Variants in GSG1L observed in about 807,000 individuals in gnomAD.
GSG1L encodes the protein GSG1 like.
In GSG1L, 24 loss-of-function variants were observed where a neutral mutation model predicts 42.1. The ratio of observed to expected loss-of-function variants is 0.57; its 90% CI spans 0.41 to 0.80. The LOEUF is 0.80. GSG1L is among the 30% of genes least tolerant of loss of function. The pLI, the probability that GSG1L is intolerant of heterozygous loss-of-function variation, is 0.00. For synonymous variants in GSG1L, 215 were observed against 203.5 expected (o/e 1.06, Z -0.48); for missense variants, 445 against 472.2 (o/e 0.94, Z 0.53).
At chr16:27,916,967 T>C (rs2084464918) in intron 2 of GSG1L, among the ~76,000 whole-genome samples, 1 of 151,934 alleles carries the variant, frequency 6.6e-6, no homozygotes, top group South Asian at 2.1e-4. Context: ...TTGAGCTAAA[T>C]CCTGGTAGGA....
intron 2 of GSG1L, among the ~76,000 whole-genome samples, chr16:27,933,648 CA>C (rs55936452): frequency 0.029 from 2,763 of 94,600 alleles, 60 homozygotes; most frequent in African/African-American, 0.1. Flanking sequence ...GACTTTGTCA[CA>C]AAAAAAAAAA....
chr16:27,850,384 T>C (rs1395093594), intron 3 of GSG1L: 9 of 392,154 alleles, frequency 2.3e-5, no homozygotes, highest in South Asian at 1.5e-4. Flanking sequence ...AAGGGCCAGT[T>C]CTGCGATTCA....
intron 6 of GSG1L, among the ~76,000 whole-genome samples, chr16:27,803,693 C>T (rs2082910157): frequency 6.6e-6 from 1 of 151,012 alleles, no homozygotes; most frequent in Admixed American, 6.6e-5. Flanking sequence ...ACATTTTGTG[C>T]ATATTGTAGA....
At chr16:27,816,677 A>G (rs770802587) in intron 5 of GSG1L, among the ~76,000 whole-genome samples, 42 of 152,268 alleles carry the variant, frequency 2.8e-4, no homozygotes, top group Admixed American at 5.9e-4. Flanking sequence ...CTATGACATC[A>G]CTGAATGTGG....
intron 2 of GSG1L, among the ~76,000 whole-genome samples, chr16:27,932,207 C>T (rs2084664891): frequency 6.6e-6 from 1 of 152,142 alleles, no homozygotes. Context: ...CATGCACCAC[C>T]ACACCTGGCT....
intron 2 of GSG1L, among the ~76,000 whole-genome samples, chr16:27,894,357 A>G (rs2084165048): frequency 6.6e-6 from 1 of 152,250 alleles, no homozygotes; most frequent in Non-Finnish European, 1.5e-5. Flanking sequence ...GGAAACCGGA[A>G]CAAGTGCATT....
chr16:28,008,970 G>A (rs2141153529), intron 1 of GSG1L, among the ~76,000 whole-genome samples: 1 of 152,126 alleles, frequency 6.6e-6, no homozygotes, highest in Non-Finnish European at 1.5e-5. Context: ...CACCACGCCT[G>A]GCTAATTTTT....
At chr16:27,870,304 T>C (rs985643806) in intron 3 of GSG1L, among the ~76,000 whole-genome samples, 13 of 145,976 alleles carry the variant, frequency 8.9e-5, no homozygotes, top group Admixed American at 6.7e-5. Flanking sequence ...TCCATCTCTC[T>C]CTCTCCTCTC....
chr16:27,848,106 T>C (rs928636330), intron 3 of GSG1L, among the ~76,000 whole-genome samples: 8 of 152,186 alleles, frequency 5.3e-5, no homozygotes, highest in African/African-American at 1.9e-4. Flanking sequence ...CTTATATTTA[T>C]AAAGCACTTA....
rs1342273726 is a variant in GSG1L, at chr16:27,803,798, TAGATAG to T, written c.898+3683_898+3688del. ...ATATATATATATATATATATATAGA[TAGATAG>T]ATATAGATATAGATATAGATATAGA... On this transcript the variant is annotated intron_variant, in intron 6 of 6. Transcript: ENST00000447459. Among the ~76,000 whole-genome samples, 412 of 95,694 alleles carry T rather than the reference TAGATAG, an allele frequency of 4.3e-3. 4 individuals are homozygous for T. Among genetic ancestry groups the T allele is most frequent in the African/African-American group, 0.012 (354 of 28,894 alleles). 62.8% of individuals were successfully genotyped at this position (95,694 alleles called of 152,430 possible).
chr16:28,028,698 T>C (rs1326436576), intron 1 of GSG1L, among the ~76,000 whole-genome samples: 3 of 152,178 alleles, frequency 2.0e-5, no homozygotes, highest in Admixed American at 6.5e-5. Context: ...ATGTTGTTAA[T>C]GCCTCTATAG....
At chr16:27,942,356 G>A (rs2084809992) in intron 2 of GSG1L, among the ~76,000 whole-genome samples, 2 of 152,408 alleles carry the variant, frequency 1.3e-5, no homozygotes, top group African/African-American at 2.4e-5. Flanking sequence ...CACCATGTTG[G>A]CCAGGTTGGT....
intron 6 of GSG1L, among the ~76,000 whole-genome samples, chr16:27,798,221 T>C (rs2082843023): frequency 6.6e-6 from 1 of 152,088 alleles, no homozygotes; most frequent in Non-Finnish European, 1.5e-5. Context: ...TCATAGACAT[T>C]ATAAAAATTT....
At chr16:27,848,212 A>G (rs2083464924) in intron 3 of GSG1L, among the ~76,000 whole-genome samples, 1 of 152,202 alleles carries the variant, frequency 6.6e-6, no homozygotes, top group Non-Finnish European at 1.5e-5. Flanking sequence ...TAGGCCCACT[A>G]GACTGTATGC....
At chr16:27,980,563 A>G (rs1040039938) in intron 1 of GSG1L, among the ~76,000 whole-genome samples, 1 of 152,182 alleles carries the variant, frequency 6.6e-6, no homozygotes, top group Non-Finnish European at 1.5e-5. Flanking sequence ...GGCAGCTCCT[A>G]TGACCACACC....
chr16:27,819,628 C>T (rs942028901), intron 5 of GSG1L, among the ~76,000 whole-genome samples: 3 of 152,128 alleles, frequency 2.0e-5, no homozygotes, highest in Non-Finnish European at 4.4e-5. Flanking sequence ...CTGCACAGGC[C>T]GGAACATGGC....
chr16:27,830,969 G>A (rs2140968479), intron 4 of GSG1L, among the ~76,000 whole-genome samples: 1 of 152,320 alleles, frequency 6.6e-6, no homozygotes, highest in African/African-American at 2.4e-5. Context: ...CATTTGTTTT[G>A]TGTGGGGCTG....
rs1414216381 is a variant in GSG1L at position 27,860,911 on chromosome 16, G to A, written c.551-15850C>T. On this transcript the variant is annotated intron_variant, in intron 3 of 6. Transcript: ENST00000447459. ...AAGGAATGAGTGTTACAGAAGCTGT[G>A]GTAGAAGAGGATTGGAAGACACATT... Among the ~76,000 whole-genome samples the A allele has an allele frequency of 3.9e-5, 6 of 152,178 alleles. No individual in the cohort carries two copies. The East Asian group carries it at 1.2e-3, about 29-fold the overall frequency.
chr16:27,991,694 C>A (rs1411677408), intron 1 of GSG1L, among the ~76,000 whole-genome samples: 1 of 152,052 alleles, frequency 6.6e-6, no homozygotes, highest in Non-Finnish European at 1.5e-5. Flanking sequence ...CATGAGCCAC[C>A]GTGCCTGGCC....
Sources: allele counts gnomAD v4.1 joint callset (sites outside exome capture counted in the v4.1 genomes callset), GRCh38; gene constraint gnomAD v4.1.1; transcripts MANE v1.5; gene names NCBI Gene and HGNC (gene_info 2026-07-23, HGNC 2026-07-21).